The following DLG2 variants were observed in gnomAD, a reference collection of about 807,000 sequenced individuals.
DLG2 encodes disks large homolog 2.
Under a neutral mutation model 132.5 loss-of-function variants are expected in DLG2, and 45 were observed. The ratio of observed to expected loss-of-function variants is 0.34; its 90% CI spans 0.27 to 0.44. The LOEUF is 0.44. Ranked by LOEUF, DLG2 falls within the 20% of genes least tolerant of loss-of-function variation. The probability of loss-of-function intolerance (pLI) is 1.00; values close to 1 mark genes in which losing one functional copy is unlikely to be tolerated. For synonymous variants in DLG2, 424 were observed against 419.6 expected, an observed-to-expected ratio of 1.01 and a Z score of -0.13; for missense variants, 1,045 against 1,196.9, an observed-to-expected ratio of 0.87 and a Z score of 1.87.
chr11:84,428,346 T>G (rs1444363958), intron 7 of DLG2, among the ~76,000 whole-genome samples: 1 of 152,174 alleles, frequency 6.6e-6, no homozygotes, highest in Non-Finnish European at 1.5e-5. Flanking sequence ...CACTCCTTAT[T>G]AGACATCATC....
intron 19 of DLG2, among the ~76,000 whole-genome samples, chr11:83,556,873 A>T (rs927801220): frequency 1.3e-5 from 2 of 152,216 alleles, no homozygotes; most frequent in Middle Eastern, 3.2e-3. Context: ...TGACTAGACA[A>T]GGAACCAGAG....
chr11:85,422,166 C>G (rs746050726), intron 3 of DLG2, among the ~76,000 whole-genome samples: 1 of 152,170 alleles, frequency 6.6e-6, no homozygotes. Context: ...TGTGCCTAGG[C>G]AATAATCTTT....
At chr11:85,528,944 C>A (rs11234359) in intron 3 of DLG2, among the ~76,000 whole-genome samples, 26,867 of 152,038 alleles carry the variant, frequency 0.18, 2,634 homozygotes, top group East Asian at 0.28. Context: ...ATGTTATTCA[C>A]CAATAGACTG....
At chr11:84,194,274 G>T (rs73517792) in intron 8 of DLG2, among the ~76,000 whole-genome samples, 70 of 152,134 alleles carry the variant, frequency 4.6e-4, no homozygotes, top group African/African-American at 1.6e-3. Flanking sequence ...GGACCCTTGC[G>T]GTCAGTGTTA....
chr11:84,846,517 C>T lies in DLG2; in HGVS notation c.357+265144G>A, dbSNP rs531102919. ...TCCATTGTTTCTGCTCTGTAATAAA[C>T]TACAACTACTCTCACCTGTGATACA... On this transcript the variant is annotated intron_variant, in intron 6 of 27. Transcript: ENST00000376104. 2.6e-5 allele frequency among the ~76,000 whole-genome samples: 4 copies of T among 152,230 alleles called. 1 individual carries two copies. The South Asian group carries it at 8.3e-4, about 32-fold the overall frequency.
intron 14 of DLG2, among the ~76,000 whole-genome samples, 161 bp from the exon 15 acceptor site, chr11:83,930,644 T>C (rs1565687856): frequency 6.6e-6 from 1 of 152,208 alleles, no homozygotes; most frequent in African/African-American, 2.4e-5. Context: ...ACTTTTCTTA[T>C]AATAAAGACT....
At chr11:84,937,038 G>C (rs1303754223) in intron 6 of DLG2, among the ~76,000 whole-genome samples, 1 of 152,076 alleles carries the variant, frequency 6.6e-6, no homozygotes, top group East Asian at 1.9e-4. Context: ...TGTAATCCCA[G>C]CTATTCAGGA....
chr11:84,851,497 G>C (rs368767904), intron 6 of DLG2, among the ~76,000 whole-genome samples: 1 of 152,090 alleles, frequency 6.6e-6, no homozygotes, highest in East Asian at 1.9e-4. Context: ...CCCACTGTTA[G>C]CTGTATGTTT....
At chr11:84,172,491 A>T (rs2154270407) in intron 8 of DLG2, among the ~76,000 whole-genome samples, 1 of 151,922 alleles carries the variant, frequency 6.6e-6, no homozygotes, top group Admixed American at 6.6e-5. Context: ...ATAAAGAAAA[A>T]ATCAGTATAC....
At chr11:85,431,309 A>G (rs1242718423) in intron 3 of DLG2, among the ~76,000 whole-genome samples, 1 of 152,150 alleles carries the variant, frequency 6.6e-6, no homozygotes, top group African/African-American at 2.4e-5. Flanking sequence ...TGAGAGCCAC[A>G]TGGGACAGGG....
At chr11:83,577,559 A>AATATAT (rs1167372199) in intron 19 of DLG2, among the ~76,000 whole-genome samples, 9,579 of 78,128 alleles carry the variant, frequency 0.12, 690 homozygotes, top group Non-Finnish European at 0.15. Flanking sequence ...GAATTAATAG[A>AATATAT]ATATATATAT....
intron 6 of DLG2, among the ~76,000 whole-genome samples, chr11:84,746,706 T>A (rs1007962881): frequency 1.3e-5 from 2 of 152,192 alleles, no homozygotes; most frequent in Non-Finnish European, 2.9e-5. Flanking sequence ...GGTTGCAAGA[T>A]ACAGAAAAGA....
chr11:84,799,733 AGT>A (rs1311421977), intron 6 of DLG2, among the ~76,000 whole-genome samples: 2 of 152,142 alleles, frequency 1.3e-5, no homozygotes, highest in African/African-American at 4.8e-5. Flanking sequence ...GGCACTGTAA[AGT>A]GTTAAATCCA....
chr11:83,462,261 G>C (rs1189447983), intron 26 of DLG2, 168 bp from the exon 27 acceptor site: 6 of 561,132 alleles, frequency 1.1e-5, no homozygotes, highest in Non-Finnish European at 1.9e-5. Context: ...CAGCAACAAG[G>C]ACTCACGGCC....
chr11:85,180,477 A>G (rs1236853221), intron 4 of DLG2, among the ~76,000 whole-genome samples: 2 of 151,854 alleles, frequency 1.3e-5, no homozygotes, highest in East Asian at 3.9e-4. Flanking sequence ...GTGTTATCTT[A>G]CTATCACAAG....
intron 6 of DLG2, among the ~76,000 whole-genome samples, chr11:85,061,395 T>C (rs888740819): frequency 9.9e-5 from 15 of 151,812 alleles, no homozygotes; most frequent in African/African-American, 3.6e-4. Flanking sequence ...GTTTTTTGCT[T>C]AGATATTATT....
chr11:85,181,564 C>G, intron 4 of DLG2, among the ~76,000 whole-genome samples: 1 of 151,304 alleles, frequency 6.6e-6, no homozygotes, highest in African/African-American at 2.4e-5. Flanking sequence ...GTTTCCGTTC[C>G]CTTGTTATTT....
Position 84,554,193 on chromosome 11 carries a change from T to A in DLG2, c.358-19462A>T, listed in dbSNP as rs543175041. On this transcript the variant is annotated intron_variant, in intron 6 of 27. Coordinates refer to ENST00000376104, the MANE Select transcript of DLG2 (RefSeq NM_001142699.3). ...TCATCCTTGTATCAATTCATCCTTT[T>A]ATCTAAACTATTAAGTTTTACCTGG... Among the ~76,000 whole-genome samples the A allele has an allele frequency of 2.0e-5, 3 of 152,332 alleles. No homozygotes were observed. The East Asian group carries it at 5.8e-4, about 29-fold the overall frequency.
At chr11:83,702,349 T>C (rs756938267) in intron 18 of DLG2, among the ~76,000 whole-genome samples, 2 of 152,238 alleles carry the variant, frequency 1.3e-5, no homozygotes, top group African/African-American at 2.4e-5. Flanking sequence ...TTTTTACCTT[T>C]ATAAATCACA....
Sources: allele counts gnomAD v4.1 joint callset (sites outside exome capture counted in the v4.1 genomes callset), GRCh38; gene constraint gnomAD v4.1.1; transcripts MANE v1.5; gene names NCBI Gene and HGNC (gene_info 2026-07-23, HGNC 2026-07-21).